Variants in FBXL2 observed in about 807,000 individuals in gnomAD.
FBXL2 encodes the protein F-box and leucine rich repeat protein 2.
A neutral mutation model predicts 69.2 loss-of-function variants in FBXL2; 38 were observed. That is an observed-to-expected ratio of 0.55 (90% CI 0.42 to 0.72). FBXL2 has a LOEUF of 0.72. Among genes scored for constraint, FBXL2 ranks in the 30% least tolerant of loss-of-function variants. The pLI is 0.00. For synonymous variants in FBXL2, 192 were observed against 201.3 expected (o/e 0.95, Z 0.39); for missense variants, 354 against 520.3 (o/e 0.68, Z 3.11).
intron 11 of FBXL2, among the ~76,000 whole-genome samples, chr3:33,377,577 C>A (rs946239060): frequency 6.6e-6 from 1 of 152,188 alleles, no homozygotes; most frequent in Admixed American, 6.5e-5. Context: ...CTCCTCCTGG[C>A]AGGAGACTCC....
At chr3:33,331,366 G>A (rs1423040442) in intron 2 of FBXL2, among the ~76,000 whole-genome samples, 1 of 152,140 alleles carries the variant, frequency 6.6e-6, no homozygotes, top group Non-Finnish European at 1.5e-5. Flanking sequence ...CAGGCTGTCT[G>A]TAATGGCTAG....
chr3:33,327,715 G>C (rs2038811473), intron 2 of FBXL2, among the ~76,000 whole-genome samples: 1 of 152,044 alleles, frequency 6.6e-6, no homozygotes, highest in East Asian at 1.9e-4. Context: ...TAGAAGAAAT[G>C]GATAAATTTT....
chr3:33,310,781 A>T (rs2037123010), intron 2 of FBXL2, among the ~76,000 whole-genome samples: 1 of 151,444 alleles, frequency 6.6e-6, no homozygotes, highest in African/African-American at 2.4e-5. Flanking sequence ...TTATATATTT[A>T]AAAAAACATT....
Position 33,384,036 on chromosome 3 carries a change from G to A in FBXL2, c.999G>A (p.Leu333=). 1 of 1,614,146 alleles carries A rather than the reference G, an allele frequency of 6.2e-7. No individual in the cohort carries two copies. Among genetic ancestry groups the A allele is most frequent in the Non-Finnish European group, 8.5e-7 (1 of 1,180,010 alleles). ...ELITDDGILH[L]SNSTCGHERL... is the part of the protein sequence containing the mutation. ...TCACAGATGATGGGATCCTGCACCT[G>A]AGCAACAGTACCTGTGGCCATGAGA... is the stretch of plus-strand genomic sequence containing the variant. Residue 333 remains leucine (L), a synonymous_variant, in exon 14 of 15, where the codon CTG becomes CTA. Transcript: ENST00000484457.
chr3:33,375,919 T>G (rs991991021), intron 10 of FBXL2, among the ~76,000 whole-genome samples: 2 of 152,100 alleles, frequency 1.3e-5, no homozygotes, highest in African/African-American at 2.4e-5. Flanking sequence ...CAGTTTGGGA[T>G]GCTGAGGTGG....
intron 5 of FBXL2, among the ~76,000 whole-genome samples, chr3:33,370,302 A>G (rs2042208787): frequency 6.6e-6 from 1 of 151,780 alleles, no homozygotes; most frequent in Non-Finnish European, 1.5e-5. Flanking sequence ...CCTGTAGTCC[A>G]AGCCACTTGG....
At chr3:33,400,473 C>A (rs1164129453) in intron 12 of FBXL2, among the ~76,000 whole-genome samples, 1 of 152,050 alleles carries the variant, frequency 6.6e-6, no homozygotes, top group South Asian at 2.1e-4. Context: ...GCTATTCAGC[C>A]ATAAAAAAAG....
At chr3:33,277,597 C>T in intron 1 of FBXL2, 82 bp downstream of exon 1, 1 of 1,226,678 alleles carries the variant, frequency 8.2e-7, no homozygotes, top group Non-Finnish European at 1.0e-6. Flanking sequence ...CCGCTAGGGT[C>T]GGGCAGGCGG....
intron 13 of FBXL2, chr3:33,382,968 AC>A (rs2043161918): frequency 6.6e-6 from 1 of 152,078 alleles, no homozygotes; most frequent in African/African-American, 2.4e-5. Flanking sequence ...TTCTCCTGCT[AC>A]CCCTGGGCCT....
At chr3:33,383,952 G>C (rs1185298153) in intron 13 of FBXL2, 37 bp from the exon 14 acceptor site, 2 of 1,596,642 alleles carry the variant, frequency 1.3e-6, no homozygotes, top group Middle Eastern at 1.7e-4. Flanking sequence ...TTGGAATAAG[G>C]GTCCTGCAAA....
chr3:33,417,784 T>C, the FBXL2 span, among the ~76,000 whole-genome samples: 1 of 152,320 alleles, frequency 6.6e-6, no homozygotes, highest in East Asian at 1.9e-4. Context: ...TAATATCACA[T>C]GAAGTTGAGA....
At chr3:33,335,551 A>C (rs547283231) in intron 2 of FBXL2, among the ~76,000 whole-genome samples, 5 of 152,186 alleles carry the variant, frequency 3.3e-5, no homozygotes, top group Non-Finnish European at 7.3e-5. Context: ...AAAAATAAAA[A>C]TTTAGAAAGA....
chr3:33,405,144 TTCA>T (rs2044382877), downstream of FBXL2, among the ~76,000 whole-genome samples: 4 of 152,242 alleles, frequency 2.6e-5, no homozygotes, highest in South Asian at 8.3e-4. Context: ...AAATTTCAGT[TTCA>T]TCATTTGAAG....
chr3:33,332,882 G>C (rs2039277711), intron 2 of FBXL2, among the ~76,000 whole-genome samples: 1 of 152,194 alleles, frequency 6.6e-6, no homozygotes, highest in African/African-American at 2.4e-5. Flanking sequence ...ATGCATGATT[G>C]TATATAAGTA....
At chr3:33,352,480 A>C (rs1439484438) in intron 2 of FBXL2, among the ~76,000 whole-genome samples, 1 of 152,240 alleles carries the variant, frequency 6.6e-6, no homozygotes, top group Non-Finnish European at 1.5e-5. Flanking sequence ...TAAAATTTAA[A>C]ACATCTTCTC....
intron 1 of FBXL2, chr3:33,289,884 C>T (rs545571980): frequency 4.3e-4 from 302 of 700,912 alleles, no homozygotes; most frequent in Admixed American, 7.5e-4. Flanking sequence ...AAATCTAAGC[C>T]TGGGCGTGCA....
intron 4 of FBXL2, among the ~76,000 whole-genome samples, chr3:33,360,473 A>G (rs935416249): frequency 1.3e-5 from 2 of 152,168 alleles, no homozygotes; most frequent in African/African-American, 4.8e-5. Flanking sequence ...TAAAGGGGGA[A>G]ACCCCTTATT....
chr3:33,394,486 T>C (rs184874138), intron 12 of FBXL2, among the ~76,000 whole-genome samples: 6 of 149,280 alleles, frequency 4.0e-5, no homozygotes, highest in African/African-American at 1.2e-4. Context: ...CAATGAAGTG[T>C]GATGCTTCCT....
chr3:33,352,917 A>G (rs866550913), intron 2 of FBXL2, among the ~76,000 whole-genome samples: 3 of 151,852 alleles, frequency 2.0e-5, no homozygotes, highest in Non-Finnish European at 4.4e-5. Flanking sequence ...AACAAAACAA[A>G]ACAAAACAAA....
Sources: gnomAD v4.1 joint callset for allele counts (sites outside exome capture counted in the v4.1 genomes callset) on GRCh38, gnomAD v4.1.1 for gene constraint, MANE v1.5 for transcripts, NCBI Gene and HGNC (gene_info 2026-07-23, HGNC 2026-07-21) for gene names.